The following DCC variants were observed in gnomAD, a reference collection of about 807,000 sequenced individuals.
The protein encoded by DCC is DCC netrin 1 receptor, also known as netrin receptor DCC.
DCC carries 58 observed loss-of-function variants against 172.5 expected under a neutral mutation model. The observed-to-expected ratio is 0.34, with a 90% CI of 0.27 to 0.42. DCC has a LOEUF of 0.42. Among genes scored for constraint, DCC ranks in the 10% least tolerant of loss-of-function variants. DCC has a pLI of 1.00. For synonymous variants in DCC, 709 were observed against 644.5 expected, an observed-to-expected ratio of 1.10 and a Z score of -1.52; for missense variants, 1,740 against 1,791.0, an observed-to-expected ratio of 0.97 and a Z score of 0.51.
chr18:52,411,435 G>A (rs890058016), intron 1 of DCC, among the ~76,000 whole-genome samples: 1 of 152,102 alleles, frequency 6.6e-6, no homozygotes, highest in Non-Finnish European at 1.5e-5. Context: ...CATTATCTGA[G>A]GCAACCAGTG....
At chr18:52,978,929 A>T (rs2041164522) in intron 5 of DCC, among the ~76,000 whole-genome samples, 1 of 152,188 alleles carries the variant, frequency 6.6e-6, no homozygotes, top group Non-Finnish European at 1.5e-5. Context: ...TCTATGGTGT[A>T]TATGTACCAC....
intron 1 of DCC, among the ~76,000 whole-genome samples, chr18:52,630,934 G>A (rs2034663371): frequency 6.6e-6 from 1 of 152,110 alleles, no homozygotes; most frequent in Non-Finnish European, 1.5e-5. Flanking sequence ...CACACCTCGA[G>A]TACTATGCCC....
chr18:53,098,488 A>G (rs974179298), intron 7 of DCC, among the ~76,000 whole-genome samples: 5 of 152,156 alleles, frequency 3.3e-5, no homozygotes, highest in Non-Finnish European at 7.4e-5. Flanking sequence ...CAGTCACTTC[A>G]TAGAATGTCC....
rs574632943 is a variant in DCC, at chr18:53,160,624, T to A, written c.1418+3112T>A. 5.9e-5 allele frequency among the ~76,000 whole-genome samples: 9 copies of A among 152,286 alleles called. 1 individual carries two copies. The East Asian group carries it at 1.7e-3, about 29-fold the overall frequency. ...CTGGGCTGATTCGTCTCACTTTAAA[T>A]TCATAGCTACTAATCTCCTGTTGCC... On this transcript the variant is annotated intron_variant, in intron 8 of 28. Coordinates refer to ENST00000442544, the MANE Select transcript of DCC (RefSeq NM_005215.4).
intron 1 of DCC, among the ~76,000 whole-genome samples, chr18:52,409,865 G>T (rs776576720): frequency 6.6e-6 from 1 of 152,132 alleles, no homozygotes; most frequent in Non-Finnish European, 1.5e-5. Flanking sequence ...GAAACTGAAA[G>T]TAATAAAGGT....
chr18:53,077,302 T>C (rs569181185), intron 7 of DCC, among the ~76,000 whole-genome samples: 65 of 152,248 alleles, frequency 4.3e-4, no homozygotes, highest in African/African-American at 1.4e-3. Flanking sequence ...AAAGGTTCTC[T>C]TTACCACTTT....
intron 1 of DCC, among the ~76,000 whole-genome samples, chr18:52,453,442 G>C (rs898826744): frequency 6.6e-6 from 1 of 152,134 alleles, no homozygotes; most frequent in Non-Finnish European, 1.5e-5. Flanking sequence ...TGTACCATGC[G>C]ATGGGCACAA....
At chr18:53,075,644 T>C (rs1014229333) in intron 7 of DCC, among the ~76,000 whole-genome samples, 1 of 152,166 alleles carries the variant, frequency 6.6e-6, no homozygotes, top group Non-Finnish European at 1.5e-5. Context: ...GAATTTGTTA[T>C]ATTTTTATCT....
chr18:52,698,158 T>G (rs539373160), intron 1 of DCC, among the ~76,000 whole-genome samples: 1 of 152,296 alleles, frequency 6.6e-6, no homozygotes, highest in African/African-American at 2.4e-5. Context: ...AAATTCAAAA[T>G]TAATGGCTAG....
chr18:53,004,053 A>C (rs2041608075), intron 5 of DCC, among the ~76,000 whole-genome samples: 1 of 152,170 alleles, frequency 6.6e-6, no homozygotes, highest in Admixed American at 6.5e-5. Context: ...TTTTCTCATT[A>C]ACGAAATGGG....
chr18:52,727,049 T>C (rs966603822), intron 1 of DCC, among the ~76,000 whole-genome samples: 5 of 152,314 alleles, frequency 3.3e-5, no homozygotes, highest in Admixed American at 6.5e-5. Context: ...ATAACTCAGA[T>C]GGTTTGATAA....
intron 21 of DCC, among the ~76,000 whole-genome samples, chr18:53,429,190 G>C (rs1438042203): frequency 7.5e-5 from 6 of 79,862 alleles, no homozygotes; most frequent in Non-Finnish European, 1.9e-4. Flanking sequence ...GCCTGGCAAA[G>C]TGTACTGCCT....
chr18:52,998,250 G>C (rs1213150994), intron 5 of DCC, among the ~76,000 whole-genome samples: 2 of 151,966 alleles, frequency 1.3e-5, no homozygotes, highest in African/African-American at 4.8e-5. Context: ...TTGTGCTATA[G>C]TGAGATCCAT....
intron 5 of DCC, among the ~76,000 whole-genome samples, chr18:52,926,820 T>TATATAC (rs1266511957): frequency 6.2e-5 from 8 of 128,542 alleles, no homozygotes; most frequent in Admixed American, 3.5e-4. Flanking sequence ...TGTGTGTGTA[T>TATATAC]ATATACATAT....
At chr18:52,707,274 G>A (rs574256416) in intron 1 of DCC, among the ~76,000 whole-genome samples, 4 of 152,248 alleles carry the variant, frequency 2.6e-5, no homozygotes, top group African/African-American at 9.6e-5. Flanking sequence ...TGCTAGATTT[G>A]ACCATTTCAA....
intron 5 of DCC, among the ~76,000 whole-genome samples, chr18:52,954,451 TG>T: frequency 6.6e-6 from 1 of 152,320 alleles, no homozygotes; most frequent in African/African-American, 2.4e-5. Context: ...AATAGTCATT[TG>T]GGGAAAAATT....
Position 53,308,334 on chromosome 18 carries a change from G to A in DCC, c.2053+2615G>A, listed in dbSNP as rs551874252. Among the ~76,000 whole-genome samples, 523 of 152,006 alleles carry A rather than the reference G, an allele frequency of 3.4e-3. 3 individuals are homozygous for A. The highest frequency in any genetic ancestry group is 5.3e-3 in the Non-Finnish European group (363 of 67,970). On this transcript the variant is annotated intron_variant, in intron 13 of 28. Transcript: ENST00000442544. ...CAAGAGCTCGTATTTATTAAAAAAAGCATTCACATAAAAATATTTAGAATA... is the reference window on the plus strand; with the variant it reads ...CAAGAGCTCGTATTTATTAAAAAAAACATTCACATAAAAATATTTAGAATA...
chr18:52,671,645 T>C (rs995488889), intron 1 of DCC, among the ~76,000 whole-genome samples: 2 of 150,240 alleles, frequency 1.3e-5, no homozygotes, highest in Non-Finnish European at 3.0e-5. Context: ...GTTCAAACCA[T>C]TCTCGTGCCT....
chr18:52,815,061 G>A (rs1241012349), intron 2 of DCC, among the ~76,000 whole-genome samples: 1 of 152,148 alleles, frequency 6.6e-6, no homozygotes, highest in Non-Finnish European at 1.5e-5. Flanking sequence ...ACATCAAACG[G>A]GGTGGGCTGG....
Sources: allele counts gnomAD v4.1 joint callset (sites outside exome capture counted in the v4.1 genomes callset), GRCh38; gene constraint gnomAD v4.1.1; transcripts MANE v1.5; gene names NCBI Gene and HGNC (gene_info 2026-07-23, HGNC 2026-07-21).